CHCHD2: variants seen among roughly 807,000 people sequenced by gnomAD.
The protein encoded by CHCHD2 is coiled-coil-helix-coiled-coil-helix domain containing 2.
Under a neutral mutation model 17.5 loss-of-function variants are expected in CHCHD2, and 17 were observed. The ratio of observed to expected loss-of-function variants is 0.97; its 90% confidence interval spans 0.67 to 1.46. CHCHD2 has a LOEUF of 1.46. CHCHD2 is among the 40% of genes most tolerant of loss of function. The pLI is 0.00. For missense variants in CHCHD2, 175 were observed against 199.9 expected (o/e 0.88, Z 0.75); for synonymous variants, 63 against 74.3 (o/e 0.85, Z 0.78).
At chr7:56,102,087 G>C (rs1785295029) in intron 3 of CHCHD2, among the ~76,000 whole-genome samples, 1 of 151,950 alleles carries the variant, frequency 6.6e-6, no homozygotes, top group African/African-American at 2.4e-5. Flanking sequence ...AGAGTGCTGG[G>C]TTCCAGGAAG....
chr7:56,103,682 A>G (rs1785326846), intron 2 of CHCHD2, among the ~76,000 whole-genome samples: 1 of 152,350 alleles, frequency 6.6e-6, no homozygotes, highest in Non-Finnish European at 1.5e-5. Context: ...AGATGCAAAT[A>G]AAGTGGAATT....
chr7:56,104,609 CA>C, intron 1 of CHCHD2, 134 bp from the exon 2 acceptor site: 3 of 1,031,474 alleles, frequency 2.9e-6, no homozygotes, highest in South Asian at 1.9e-5. Flanking sequence ...TTTCTCTCTT[CA>C]ATTTTTTTTT....
At position 56,104,284 on chromosome 7, in the gene CHCHD2, G is replaced by T. The variant is rs759627902; in HGVS notation, c.242C>A (p.Thr81Asn). 6.2e-7 allele frequency: 1 copy of T among 1,613,744 alleles called. No homozygotes were observed. The highest frequency in any genetic ancestry group is 8.5e-7 in the Non-Finnish European group (1 of 1,179,770). ...AVGHTLGHAI[T>N]GGFSGGSNAE... ...ATTACTTCCTCCACTGAAGCCCCCA[G>T]TAATGGCGTGACCCAATGTGTGCCC... Residue 81 changes from threonine to asparagine, a missense_variant, in exon 2 of 4, where the codon ACT becomes AAT. Physicochemically the swap from Thr to Asn is moderately conservative, Grantham distance 65. Coordinates refer to ENST00000395422, the MANE Select transcript of CHCHD2 (RefSeq NM_016139.4).
rs748858900 is a variant in CHCHD2, at chr7:56,106,448, G to A, written c.-35C>T. On this transcript the variant is annotated 5_prime_UTR_variant, in exon 1 of 4. Transcript: ENST00000395422. ...GCGACGGCTAGGCCTCCGGACGTGG[G>A]ACAACCACCGAAGAGCTAAGCGACT... 2.7e-5 allele frequency: 44 copies of A among 1,607,234 alleles called. No homozygotes were observed. Among genetic ancestry groups the A allele is most frequent in the East Asian group, 2.2e-5 (1 of 44,796 alleles).
Position 56,101,833 on chromosome 7 carries a change from C to T in CHCHD2, c.*18G>A. On this transcript the variant is annotated 3_prime_UTR_variant, in exon 4 of 4. Transcript: ENST00000395422. Reference sequence around the variant, plus strand: ...TTATGAGAGCTGATTTTCCATCTCTCCAGGTTGAACTTCTTCATTAGGCCA... The same window carrying T: ...TTATGAGAGCTGATTTTCCATCTCTTCAGGTTGAACTTCTTCATTAGGCCA... 1 of 1,610,446 alleles carries T rather than the reference C, an allele frequency of 6.2e-7. No individual in the cohort carries two copies. Among genetic ancestry groups the T allele is most frequent in the South Asian group, 1.1e-5 (1 of 90,708 alleles).
rs572813375 is a variant in CHCHD2 at position 56,101,646 on chromosome 7, C to T, written c.*205G>A. The T allele has an allele frequency of 2.0e-6, 1 of 509,412 alleles. No homozygotes were observed. Among genetic ancestry groups the T allele is most frequent in the Admixed American group, 3.8e-5 (1 of 26,530 alleles). 31.6% of individuals were successfully genotyped at this position (509,412 alleles called of 1,614,324 possible). A position where few individuals can be genotyped will look rare whatever the true frequency, so the allele number is the denominator to read the frequency against. Reference sequence around the variant, plus strand: ...TAACATAACAGCTAGTTTAAGGAGGCCACACAAACATTTGCCCAGTCCCAG... The same window carrying T: ...TAACATAACAGCTAGTTTAAGGAGGTCACACAAACATTTGCCCAGTCCCAG... On this transcript the variant is annotated 3_prime_UTR_variant, in exon 4 of 4. Transcript: ENST00000395422.
At chr7:56,106,310 C>T in intron 1 of CHCHD2, 54 bp downstream of exon 1, 23 of 1,581,936 alleles carry the variant, frequency 1.5e-5, no homozygotes, top group Non-Finnish European at 2.0e-5. Context: ...GCGTCATTGC[C>T]CCAGTAGAGT....
intron 1 of CHCHD2, among the ~76,000 whole-genome samples, chr7:56,105,472 A>G (rs966343498): frequency 3.9e-5 from 6 of 152,206 alleles, no homozygotes; most frequent in Non-Finnish European, 7.3e-5. Flanking sequence ...CATTTTATTG[A>G]CGGATCAAAT....
chr7:56,101,991 A>AT (rs925924830), intron 3 of CHCHD2, 130 bp from the exon 4 acceptor site: 14 of 889,302 alleles, frequency 1.6e-5, no homozygotes, highest in Admixed American at 1.4e-4. Context: ...TTTTTTTTTG[A>AT]TAAAAAATAG....
chr7:56,101,627 A>G lies in CHCHD2; in HGVS notation c.*224T>C, dbSNP rs951653444. On this transcript the variant is annotated 3_prime_UTR_variant, in exon 4 of 4. Transcript: ENST00000395422. The stretch of plus-strand genomic sequence containing the variant: ...CTCACAAAGAATAAAATCATAACAT[A>G]ACAGCTAGTTTAAGGAGGCCACACA... 1 of 496,950 alleles carries G rather than the reference A, an allele frequency of 2.0e-6. No individual in the cohort carries two copies. Among genetic ancestry groups the G allele is most frequent in the Non-Finnish European group, 3.7e-6 (1 of 273,838 alleles). 30.8% of individuals were successfully genotyped at this position (496,950 alleles called of 1,614,324 possible). A position where few individuals can be genotyped will look rare whatever the true frequency, so the allele number is the denominator to read the frequency against.
At chr7:56,103,981 T>C (rs1158162282) in intron 2 of CHCHD2, among the ~76,000 whole-genome samples, 2 of 152,194 alleles carry the variant, frequency 1.3e-5, no homozygotes, top group African/African-American at 4.8e-5. Flanking sequence ...AGTGGTTGTT[T>C]TACAGTGAGT....
In CHCHD2 at chr7:56,101,864, G is replaced by C; in HGVS notation, c.446-3C>G. The C allele has an allele frequency of 6.2e-7, 1 of 1,612,570 alleles. No homozygotes were observed. The highest frequency in any genetic ancestry group is 8.5e-7 in the Non-Finnish European group (1 of 1,178,992). On this transcript the variant is annotated splice_region_variant and splice_polypyrimidine_tract_variant and intron_variant, in intron 3 of 3. Transcript: ENST00000395422. Reference sequence around the variant, plus strand: ...TGAACTTCTTCATTAGGCCAATCCTGCAAACAGAAAAGATTAAGTTAGAAG... The same window carrying C: ...TGAACTTCTTCATTAGGCCAATCCTCCAAACAGAAAAGATTAAGTTAGAAG...
At position 56,106,423 on chromosome 7, in the gene CHCHD2, G is replaced by C. The variant is rs747605451; in HGVS notation, c.-10C>G. The C allele has an allele frequency of 1.2e-6, 2 of 1,613,218 alleles. No homozygotes were observed. The highest frequency in any genetic ancestry group is 8.5e-7 in the Non-Finnish European group (1 of 1,179,516). On this transcript the variant is annotated 5_prime_UTR_variant, in exon 1 of 4. Coordinates refer to ENST00000395422, the MANE Select transcript of CHCHD2 (RefSeq NM_016139.4). ...GGCTTCCACGCGGCATCCTAGGTAA[G>C]CGACGGCTAGGCCTCCGGACGTGGG...
intron 1 of CHCHD2, among the ~76,000 whole-genome samples, chr7:56,106,123 A>C (rs6971804): frequency 1.3e-5 from 2 of 151,936 alleles, no homozygotes; most frequent in South Asian, 4.1e-4. Context: ...ATGCCTTCCT[A>C]CCACCTGGCC....
At chr7:56,106,276 C>CGCCCCCGCCCG in intron 1 of CHCHD2, 88 bp downstream of exon 1, 1 of 1,318,792 alleles carries the variant, frequency 7.6e-7, no homozygotes, top group Non-Finnish European at 1.1e-6. Flanking sequence ...GACCTTAGTT[C>CGCCCCCGCCCG]ACCCCCGCCC....
At chr7:56,105,421 CTG>C (rs1246374554) in intron 1 of CHCHD2, among the ~76,000 whole-genome samples, 3 of 152,164 alleles carry the variant, frequency 2.0e-5, no homozygotes, top group Non-Finnish European at 4.4e-5. Flanking sequence ...GGTAATGTAA[CTG>C]TGAACAAGAG....
chr7:56,104,204 G>A (rs767841927), intron 2 of CHCHD2, 22 bp downstream of exon 2: 28 of 1,609,654 alleles, frequency 1.7e-5, no homozygotes, highest in Non-Finnish European at 2.2e-5. Flanking sequence ...CCATGGAAGG[G>A]AAATGCTGCC....
rs1015566891 is a variant in CHCHD2 at position 56,102,815 on chromosome 7, T to C, written c.445+52A>G. 8 of 1,592,334 alleles carry C rather than the reference T, an allele frequency of 5.0e-6. No homozygotes were observed. In the African/African-American group the frequency reaches 9.4e-5, roughly 19 times the overall value. On this transcript the variant is annotated intron_variant, in intron 3 of 3. Transcript: ENST00000395422. ...ACAGATTACCCTAAGTTCTACAGGA[T>C]CCAGGAATTCCACTGTGAATTAAGC...
At position 56,106,444 on chromosome 7, in the gene CHCHD2, G is replaced by A. The variant is rs746171975; in HGVS notation, c.-31C>T. The A allele has an allele frequency of 2.0e-5, 33 of 1,611,026 alleles. No homozygotes were observed. Among genetic ancestry groups the A allele is most frequent in the Non-Finnish European group, 2.5e-5 (30 of 1,177,740 alleles). ...GTAAGCGACGGCTAGGCCTCCGGAC[G>A]TGGGACAACCACCGAAGAGCTAAGC... On this transcript the variant is annotated 5_prime_UTR_variant, in exon 1 of 4. It adds an upstream start codon to the 5' untranslated region. Transcript: ENST00000395422.
Sources: allele counts gnomAD v4.1 joint callset (sites outside exome capture counted in the v4.1 genomes callset), GRCh38; gene constraint gnomAD v4.1.1; transcripts MANE v1.5; gene names NCBI Gene and HGNC (gene_info 2026-07-23, HGNC 2026-07-21).